JAKMIP2: variants seen among roughly 807,000 people sequenced by gnomAD.
JAKMIP2 encodes janus kinase and microtubule-interacting protein 2.
A neutral mutation model predicts 115.0 loss-of-function variants in JAKMIP2; 25 were observed. That is an observed-to-expected ratio of 0.22 (90% CI 0.16 to 0.30). JAKMIP2 has a LOEUF of 0.30. JAKMIP2 is among the 10% of genes least tolerant of loss of function. The probability of loss-of-function intolerance (pLI) is 1.00; values close to 1 mark genes in which losing one functional copy is unlikely to be tolerated. For missense variants in JAKMIP2, 642 were observed against 957.6 expected (o/e 0.67, Z 4.35); for synonymous variants, 334 against 343.6 (o/e 0.97, Z 0.31).
chr5:147,741,132 C>T (rs983834433), intron 1 of JAKMIP2, among the ~76,000 whole-genome samples: 8 of 151,986 alleles, frequency 5.3e-5, no homozygotes, highest in Non-Finnish European at 1.0e-4. Context: ...AATATAAGCT[C>T]GCTAAGGTAA....
chr5:147,766,707 T>A (rs1049026942), intron 1 of JAKMIP2, among the ~76,000 whole-genome samples: 1 of 151,848 alleles, frequency 6.6e-6, no homozygotes, highest in African/African-American at 2.4e-5. Flanking sequence ...TAATCTTTTA[T>A]TTTTTTTCAT....
chr5:147,620,864 C>T (rs1438700504), intron 17 of JAKMIP2, 121 bp from the exon 18 acceptor site: 3 of 678,200 alleles, frequency 4.4e-6, no homozygotes, highest in African/African-American at 1.8e-5. Context: ...TTTGTAGAGT[C>T]ATAAATTTTG....
intron 2 of JAKMIP2, among the ~76,000 whole-genome samples, chr5:147,668,763 T>A (rs920662603): frequency 6.6e-6 from 1 of 152,180 alleles, no homozygotes; most frequent in Non-Finnish European, 1.5e-5. Context: ...ATTGTCCCAT[T>A]TGACAGATGA....
At chr5:147,743,999 T>TTTCCTTCC (rs542685199) in intron 1 of JAKMIP2, among the ~76,000 whole-genome samples, 7,458 of 111,938 alleles carry the variant, frequency 0.067, 306 homozygotes, top group East Asian at 0.079. Context: ...TCCTAACTTC[T>TTTCCTTCC]TTCCTTCCTT....
Position 147,599,700 on chromosome 5 carries a change from C to T in JAKMIP2, c.*20+2041G>A, listed in dbSNP as rs138511508. Reference sequence around the variant, plus strand: ...CGCTTCTGATGAGGATACATATGAACGCCAATGTTGCTTGAAACATGGGAG... The same window carrying T: ...CGCTTCTGATGAGGATACATATGAATGCCAATGTTGCTTGAAACATGGGAG... On this transcript the variant is annotated intron_variant, in intron 21 of 21. Transcript: ENST00000616793. Among the ~76,000 whole-genome samples, 471 of 152,218 alleles carry T rather than the reference C, an allele frequency of 3.1e-3. 6 individuals are homozygous for T. Among genetic ancestry groups the T allele is most frequent in the Non-Finnish European group, 4.0e-3 (269 of 68,020 alleles).
At chr5:147,717,554 T>C (rs1261112037) in intron 1 of JAKMIP2, among the ~76,000 whole-genome samples, 1 of 140,956 alleles carries the variant, frequency 7.1e-6, no homozygotes, top group African/African-American at 2.6e-5. Context: ...CTTGAAGAGG[T>C]CCTTCACATC....
intron 1 of JAKMIP2, among the ~76,000 whole-genome samples, chr5:147,675,440 A>G (rs1759886612): frequency 6.6e-6 from 1 of 150,778 alleles, no homozygotes; most frequent in African/African-American, 2.4e-5. Context: ...TCATACTCTA[A>G]TTTTACTGCA....
chr5:147,603,770 G>A (rs539764605), intron 20 of JAKMIP2, among the ~76,000 whole-genome samples: 3 of 152,298 alleles, frequency 2.0e-5, no homozygotes, highest in African/African-American at 4.8e-5. Flanking sequence ...GTTCAGACCC[G>A]TAAAGTGTAC....
chr5:147,772,448 G>A (rs1755395168), intron 1 of JAKMIP2, among the ~76,000 whole-genome samples: 1 of 151,816 alleles, frequency 6.6e-6, no homozygotes. Context: ...TGGGGGGCAG[G>A]CTAGGGATTT....
At chr5:147,686,080 T>G (rs1447003918) in intron 1 of JAKMIP2, among the ~76,000 whole-genome samples, 1 of 152,178 alleles carries the variant, frequency 6.6e-6, no homozygotes, top group African/African-American at 2.4e-5. Context: ...CTGGAATTAA[T>G]GCAAACATAG....
chr5:147,601,505 T>C (rs1349705924), intron 21 of JAKMIP2, among the ~76,000 whole-genome samples: 1 of 151,984 alleles, frequency 6.6e-6, no homozygotes, highest in Non-Finnish European at 1.5e-5. Flanking sequence ...AGGCTGAGGT[T>C]GGAGGATCGC....
chr5:147,718,429 T>C (rs1753107768), intron 1 of JAKMIP2, among the ~76,000 whole-genome samples: 1 of 152,040 alleles, frequency 6.6e-6, no homozygotes, highest in South Asian at 2.1e-4. Context: ...ATGGTACCAG[T>C]TCCTCCTTGT....
chr5:147,702,666 G>GAA lies in JAKMIP2; in HGVS notation c.-148-30713_-148-30712insTT, dbSNP rs1561547759. Among the ~76,000 whole-genome samples the GAA allele has an allele frequency of 2.9e-3, 290 of 98,572 alleles. 11 individuals are homozygous for GAA. The highest frequency in any genetic ancestry group is 9.6e-3 in the Middle Eastern group (2 of 208). The allele number at this position is 98,572 out of a possible 152,430, so 64.7% of individuals were successfully genotyped here. A position where few individuals can be genotyped will look rare whatever the true frequency, so the allele number is the denominator to read the frequency against. ...AAAGAAAGAAAGAAAGAAAGAAAGA[G>GAA]AGAGAAAGAAAGAGAAAGAAAGAAA... On this transcript the variant is annotated intron_variant, in intron 1 of 21. Transcript: ENST00000616793.
intron 12 of JAKMIP2, among the ~76,000 whole-genome samples, chr5:147,633,792 C>G (rs562643460): frequency 6.6e-6 from 1 of 151,150 alleles, no homozygotes; most frequent in South Asian, 2.1e-4. Flanking sequence ...TGGGTTCAAG[C>G]AATTCCCTTG....
In JAKMIP2 at chr5:147,755,327, A is replaced by G. The variant is rs535852274; in HGVS notation, c.-149+27129T>C. On this transcript the variant is annotated intron_variant, in intron 1 of 21. Coordinates refer to ENST00000616793, the MANE Select transcript of JAKMIP2 (RefSeq NM_001270941.2). ...ATTGATTGATGTCTCATGTCTCCCT[A>G]AAATGTATAAAATGATGTCTCCTGT... 1.2e-4 allele frequency among the ~76,000 whole-genome samples: 19 copies of G among 152,264 alleles called. No individual in the cohort carries two copies. The East Asian group carries it at 3.3e-3, about 26-fold the overall frequency.
chr5:147,663,460 C>T (rs1759137804), intron 2 of JAKMIP2, among the ~76,000 whole-genome samples: 1 of 152,192 alleles, frequency 6.6e-6, no homozygotes, highest in Non-Finnish European at 1.5e-5. Flanking sequence ...TATCAGACTC[C>T]AAGTTCTTCA....
chr5:147,777,685 T>C (rs189404666), intron 1 of JAKMIP2, among the ~76,000 whole-genome samples: 50 of 152,308 alleles, frequency 3.3e-4, no homozygotes, highest in African/African-American at 1.2e-3. Context: ...ATTTAAAGAA[T>C]AATTTTTTTA....
At chr5:147,699,789 T>A (rs1362178127) in intron 1 of JAKMIP2, among the ~76,000 whole-genome samples, 2 of 152,102 alleles carry the variant, frequency 1.3e-5, no homozygotes, top group Admixed American at 1.3e-4. Flanking sequence ...GTTTCAAGAG[T>A]AGGACTTTCT....
chr5:147,650,512 A>G lies in JAKMIP2; in HGVS notation c.663T>C (p.Phe221=). The part of the protein sequence containing the change: ...DEIKAKDRII[F]SLEKELETQT... ...GGGTCTCCAGTTCCTTTTCCAGGGA[A>G]AAGATGATCCTGTCCTTGGCTTTGA... The change falls in exon 4 of 22, where the codon TTT becomes TTC. Residue 221 remains phenylalanine (F), a synonymous_variant. Coordinates refer to ENST00000616793, the MANE Select transcript of JAKMIP2 (RefSeq NM_001270941.2). 1 of 1,613,690 alleles carries G rather than the reference A, an allele frequency of 6.2e-7. No individual in the cohort carries two copies. Among genetic ancestry groups the G allele is most frequent in the African/African-American group, 1.3e-5 (1 of 75,044 alleles).
Sources: allele counts gnomAD v4.1 joint callset (sites outside exome capture counted in the v4.1 genomes callset), GRCh38; gene constraint gnomAD v4.1.1; transcripts MANE v1.5; gene names NCBI Gene and HGNC (gene_info 2026-07-23, HGNC 2026-07-21).